ACCSL: variants seen among roughly 807,000 people sequenced by gnomAD.
ACCSL encodes the protein 1-aminocyclopropane-1-carboxylate synthase homolog (inactive) like, also known as probable inactive 1-aminocyclopropane-1-carboxylate synthase-like protein 2.
A neutral mutation model predicts 61.7 loss-of-function variants in ACCSL; 55 were observed. The observed-to-expected ratio is 0.89, with a 90% confidence interval of 0.72 to 1.12. The LOEUF is 1.12. Ranked by LOEUF, ACCSL falls within the 50% of genes most tolerant of loss-of-function variation. The pLI is 0.00. For missense variants in ACCSL, 632 were observed against 698.0 expected (o/e 0.91, Z 1.07); for synonymous variants, 258 against 264.3 (o/e 0.98, Z 0.23).
chr11:43,978,334 A>G, the ACCSL span, among the ~76,000 whole-genome samples: 1 of 152,126 alleles, frequency 6.6e-6, no homozygotes, highest in Non-Finnish European at 1.5e-5. Flanking sequence ...GCTCAAGCTG[A>G]TCAAGGCTTT....
At chr11:44,052,863 G>T (rs528110673) in intron 6 of ACCSL, 104 bp downstream of exon 6, 1 of 1,446,074 alleles carries the variant, frequency 6.9e-7, no homozygotes, top group Non-Finnish European at 9.7e-7. Flanking sequence ...CTAAGTGGTT[G>T]GGTAGGGGTG....
chr11:44,046,319 T>C (rs1952596932), upstream of ACCSL, among the ~76,000 whole-genome samples: 2 of 152,260 alleles, frequency 1.3e-5, no homozygotes, highest in South Asian at 4.1e-4. Flanking sequence ...TACAGCTTTG[T>C]TCTGTGGCTT....
chr11:44,059,961 C>G lies in ACCSL; in HGVS notation c.*41C>G. 1.3e-6 allele frequency: 2 copies of G among 1,577,846 alleles called. No homozygotes were observed. The highest frequency in any genetic ancestry group is 1.7e-6 in the Non-Finnish European group (2 of 1,148,616). On this transcript the variant is annotated 3_prime_UTR_variant, in exon 14 of 14. Coordinates refer to ENST00000378832, the MANE Select transcript of ACCSL (RefSeq NM_001031854.2). ...ACCAGCAGTTCCAGCCCATCACTTG[C>G]TCAGGGACCCCCTAATGTCAGCCTC...
upstream of ACCSL, chr11:44,047,871 C>T (rs1277864995): frequency 5.5e-5 from 48 of 874,112 alleles, no homozygotes; most frequent in Non-Finnish European, 7.9e-5. Flanking sequence ...CCAATCTGGT[C>T]ATATAACCAA....
the ACCSL span, among the ~76,000 whole-genome samples, chr11:43,968,730 T>C: frequency 6.6e-6 from 1 of 152,202 alleles, no homozygotes; most frequent in Non-Finnish European, 1.5e-5. Context: ...GATTTCTTCG[T>C]AGATTTTTGT....
the ACCSL span, among the ~76,000 whole-genome samples, chr11:44,005,134 G>A: frequency 6.6e-5 from 9 of 136,642 alleles, no homozygotes; most frequent in East Asian, 2.3e-4. Context: ...CATTGTACAC[G>A]ACAGCTGTAG....
At chr11:43,975,292 C>T in the ACCSL span, among the ~76,000 whole-genome samples, 1 of 152,186 alleles carries the variant, frequency 6.6e-6, no homozygotes, top group Admixed American at 6.5e-5. Flanking sequence ...TTCTAAGCCT[C>T]TCCGGATGCA....
At chr11:43,999,630 G>A in the ACCSL span, among the ~76,000 whole-genome samples, 25 of 152,258 alleles carry the variant, frequency 1.6e-4, no homozygotes, top group South Asian at 4.3e-3. Context: ...GAAGTGATAC[G>A]CCTTCTTTGC....
chr11:44,058,731 GA>G, intron 13 of ACCSL, 32 bp downstream of exon 13: 1 of 1,586,554 alleles, frequency 6.3e-7, no homozygotes, highest in Non-Finnish European at 8.6e-7. Flanking sequence ...ATCCTTTAAA[GA>G]CGCCCCATCA....
the ACCSL span, chr11:43,922,154 G>A: frequency 6.6e-6 from 1 of 152,234 alleles, no homozygotes; most frequent in African/African-American, 2.4e-5. Flanking sequence ...CCCTTCTTCT[G>A]AGCTTCAGCA....
At chr11:44,057,223 A>G (rs940500482) in intron 11 of ACCSL, among the ~76,000 whole-genome samples, 7 of 152,194 alleles carry the variant, frequency 4.6e-5, no homozygotes, top group East Asian at 1.9e-4. Flanking sequence ...AAGCTTAGAG[A>G]CTCACTTTCT....
chr11:44,056,116 G>A, intron 10 of ACCSL, 31 bp downstream of exon 10: 1 of 1,614,174 alleles, frequency 6.2e-7, no homozygotes, highest in Non-Finnish European at 8.5e-7. Flanking sequence ...CTTGGCTAGG[G>A]AAGGAGGAGG....
the ACCSL span, among the ~76,000 whole-genome samples, chr11:44,000,252 G>C: frequency 5.9e-5 from 9 of 151,964 alleles, no homozygotes; most frequent in Admixed American, 5.2e-4. Flanking sequence ...AGCCTCTCAA[G>C]TAGCTGGGAT....
At chr11:44,021,277 A>T in the ACCSL span, among the ~76,000 whole-genome samples, 1 of 152,096 alleles carries the variant, frequency 6.6e-6, no homozygotes, top group Admixed American at 6.6e-5. Context: ...CCATGCCAAC[A>T]TCTATTATGT....
At chr11:44,004,314 G>A in the ACCSL span, among the ~76,000 whole-genome samples, 1 of 152,000 alleles carries the variant, frequency 6.6e-6, no homozygotes, top group East Asian at 1.9e-4. Context: ...GGTTTTCTGG[G>A]CCAAGTTCTT....
the ACCSL span, among the ~76,000 whole-genome samples, chr11:44,042,623 GTTGTTTTTT>G: frequency 2.4e-5 from 1 of 42,246 alleles, no homozygotes; most frequent in African/African-American, 1.2e-4. Flanking sequence ...AGCCTTCCTG[GTTGTTTTTT>G]TTTTGTTTGT....
chr11:44,058,654 T>C lies in ACCSL; in HGVS notation c.1579T>C (p.Trp527Arg). The change falls in exon 13 of 14, where the codon TGG becomes CGG. Residue 527 changes from tryptophan to arginine, a missense_variant. By Grantham distance (101) the Trp-to-Arg change is moderately radical (BLOSUM62 -3). Coordinates refer to ENST00000378832, the MANE Select transcript of ACCSL (RefSeq NM_001031854.2). ...AACCTACATGTGTAAGGAGCCAGGC[T>C]GGTTCTGCCTCATCTTTGCAGATGA... Reference protein sequence around the residue: ...GKTYMCKEPGWFCLIFADELP... With the variant: ...GKTYMCKEPGRFCLIFADELP... The C allele has an allele frequency of 6.2e-7, 1 of 1,614,004 alleles. No individual in the cohort carries two copies. The highest frequency in any genetic ancestry group is 8.5e-7 in the Non-Finnish European group (1 of 1,179,898).
the ACCSL span, among the ~76,000 whole-genome samples, chr11:43,999,352 C>G: frequency 2.0e-5 from 3 of 152,198 alleles, no homozygotes; most frequent in Non-Finnish European, 4.4e-5. Context: ...CACAGCTTAG[C>G]TGGGTCCTCT....
intron 1 of ACCSL, among the ~76,000 whole-genome samples, chr11:44,049,001 A>G (rs964995548): frequency 1.3e-5 from 2 of 152,154 alleles, no homozygotes; most frequent in East Asian, 1.9e-4. Context: ...GAGGAACAGC[A>G]CACGTGAAAC....
Sources: allele counts gnomAD v4.1 joint callset (sites outside exome capture counted in the v4.1 genomes callset), GRCh38; gene constraint gnomAD v4.1.1; transcripts MANE v1.5; gene names NCBI Gene and HGNC (gene_info 2026-07-23, HGNC 2026-07-21).